Variants in NACC2 observed in about 807,000 individuals in gnomAD.
NACC2 encodes the protein NACC family member 2, also known as nucleus accumbens-associated protein 2.
In NACC2, 8 loss-of-function variants were observed where a neutral mutation model predicts 25.1. That is an observed-to-expected ratio of 0.32 (90% CI 0.19 to 0.57). The LOEUF (loss-of-function observed/expected upper bound fraction) is 0.57, where lower values mean the gene tolerates loss of function less well. Among genes scored for constraint, NACC2 ranks in the 20% least tolerant of loss-of-function variants. NACC2 has a pLI of 0.89. For missense variants in NACC2, 644 were observed against 650.2 expected (o/e 0.99, Z 0.10); for synonymous variants, 435 against 294.7 (o/e 1.48, Z -4.88).
chr9:136,055,810 C>T lies in NACC2; in HGVS notation c.-59-5230G>A, dbSNP rs866612739. 7.9e-5 allele frequency among the ~76,000 whole-genome samples: 12 copies of T among 152,294 alleles called. No individual in the cohort carries two copies. Among genetic ancestry groups the T allele is most frequent in the African/African-American group, 2.2e-4 (9 of 41,556 alleles). On this transcript the variant is annotated intron_variant, in intron 1 of 5. Coordinates refer to ENST00000277554, the MANE Select transcript of NACC2 (RefSeq NM_144653.5). This position sits in a 1 kb window ranked among gnomAD's most constrained non-coding sequence, Gnocchi z 4.9. ...GGGAGAGTCCCTCTACCCCGAGCCC[C>T]GGCCCCTGGTGGAGACTGCCTGGCA...
intron 1 of NACC2, among the ~76,000 whole-genome samples, chr9:136,077,135 C>T (rs964019493): frequency 8.6e-5 from 13 of 151,742 alleles, no homozygotes; most frequent in Admixed American, 2.0e-4. Flanking sequence ...GCCGAGATTG[C>T]GCCACTACAC....
Position 136,040,953 on chromosome 9 carries a change from T to A in NACC2, c.886+8683A>T, listed in dbSNP as rs1264491731. ...TCCAGCCCAGGCGACAGAGTGAGAG[T>A]GAGACCCTGGAAAGAAAGAAAGAAA... is the stretch of plus-strand genomic sequence containing the variant. On this transcript the variant is annotated intron_variant, in intron 2 of 5. Transcript: ENST00000277554. Among the ~76,000 whole-genome samples the A allele has an allele frequency of 1.3e-4, 16 of 124,338 alleles. 1 individual carries two copies. In the Admixed American group the frequency reaches 1.4e-3, roughly 11 times the overall value. 81.6% of individuals were successfully genotyped at this position (124,338 alleles called of 152,430 possible).
At position 136,085,312 on chromosome 9, in the gene NACC2, AC is replaced by A. The variant is rs1830367738; in HGVS notation, c.-60+9876del. On this transcript the variant is annotated intron_variant, in intron 1 of 5. Coordinates refer to ENST00000277554, the MANE Select transcript of NACC2 (RefSeq NM_144653.5). ...TTACAGGTGTGAACCACTGTGCCCG[AC>A]CCAAAAAAATTTTTTTAATTAGCCA... is the stretch of plus-strand genomic sequence containing the variant. 2.0e-5 allele frequency among the ~76,000 whole-genome samples: 3 copies of A among 151,118 alleles called. No individual in the cohort carries two copies. The South Asian group carries it at 6.3e-4, about 32-fold the overall frequency.
chr9:136,058,639 C>A (rs1327133949), intron 1 of NACC2, among the ~76,000 whole-genome samples: 9 of 152,190 alleles, frequency 5.9e-5, no homozygotes, highest in African/African-American at 2.2e-4. Context: ...ACCATGCTCA[C>A]CACCTGAGTG....
intron 1 of NACC2, among the ~76,000 whole-genome samples, chr9:136,051,014 C>T (rs1439767801): frequency 2.0e-5 from 3 of 152,218 alleles, no homozygotes; most frequent in Non-Finnish European, 2.9e-5. Context: ...CGGGAGGGGC[C>T]GCGCTGGAGC....
At chr9:136,021,374 C>T (rs763801109) in intron 2 of NACC2, among the ~76,000 whole-genome samples, 1 of 152,122 alleles carries the variant, frequency 6.6e-6, no homozygotes, top group African/African-American at 2.4e-5. Context: ...CGCCAAGTGC[C>T]GGCGAGGATG....
intron 3 of NACC2, among the ~76,000 whole-genome samples, chr9:136,015,187 G>C (rs116085000): frequency 0.01 from 1,535 of 152,326 alleles, 34 homozygotes; most frequent in African/African-American, 0.035. Context: ...AGAGGCCACA[G>C]CTGCTGGAGG....
chr9:136,033,232 C>CA (rs539869584), intron 2 of NACC2, among the ~76,000 whole-genome samples: 5 of 151,968 alleles, frequency 3.3e-5, no homozygotes, highest in Non-Finnish European at 7.4e-5. Context: ...GGTAGACTCT[C>CA]AGAGTAAATC....
In NACC2 at chr9:136,024,346, A is replaced by G. The variant is rs1840349916; in HGVS notation, c.887-7917T>C. ...GGACAGAGTGTGTGTGTGTGAGGAC[A>G]GAGTGTGTGTGTGTGAGGACAGAAG... On this transcript the variant is annotated intron_variant, in intron 2 of 5. Coordinates refer to ENST00000277554, the MANE Select transcript of NACC2 (RefSeq NM_144653.5). 1.5e-5 allele frequency among the ~76,000 whole-genome samples: 2 copies of G among 129,338 alleles called. 1 individual carries two copies. The highest frequency in any genetic ancestry group is 6.0e-5 in the African/African-American group (2 of 33,320). The allele number at this position is 129,338 out of a possible 152,430, so 84.9% of individuals were successfully genotyped here.
chr9:136,040,735 A>G (rs1840615249), intron 2 of NACC2, among the ~76,000 whole-genome samples: 1 of 152,204 alleles, frequency 6.6e-6, no homozygotes, highest in Non-Finnish European at 1.5e-5. Flanking sequence ...CAAGGCAGGT[A>G]GATGGCTTGA....
chr9:136,066,485 CAAA>C (rs1841082260), intron 1 of NACC2, among the ~76,000 whole-genome samples: 1 of 152,058 alleles, frequency 6.6e-6, no homozygotes, highest in Non-Finnish European at 1.5e-5. Context: ...TGGCTATAAT[CAAA>C]AAGACAGAAA....
chr9:136,067,633 C>T (rs374008297), intron 1 of NACC2, among the ~76,000 whole-genome samples: 8 of 152,122 alleles, frequency 5.3e-5, no homozygotes, highest in Admixed American at 3.3e-4. Context: ...GTCAAGAGAT[C>T]GAGACCATCT....
chr9:136,042,533 A>G (rs1588568023), intron 2 of NACC2, among the ~76,000 whole-genome samples: 1 of 152,284 alleles, frequency 6.6e-6, no homozygotes, highest in Middle Eastern at 3.4e-3. Context: ...AAGGAAATGA[A>G]CCTTCCCACT....
chr9:136,094,547 C>T (rs1830467377), intron 1 of NACC2, among the ~76,000 whole-genome samples: 1 of 152,170 alleles, frequency 6.6e-6, no homozygotes, highest in South Asian at 2.1e-4. Flanking sequence ...CTCAGCTCCG[C>T]AGAGGCACAG....
chr9:136,093,248 G>C (rs1444965774), intron 1 of NACC2, among the ~76,000 whole-genome samples: 1 of 152,224 alleles, frequency 6.6e-6, no homozygotes, highest in Non-Finnish European at 1.5e-5. Context: ...TGGAAGAACC[G>C]CTCAGCACCA....
Position 136,050,485 on chromosome 9 carries a change from C to T in NACC2, c.37G>A (p.Gly13Arg). 1 of 764,936 alleles carries T rather than the reference C, an allele frequency of 1.3e-6. No individual in the cohort carries two copies. The allele number at this position is 764,936 out of a possible 1,614,324, so 47.4% of individuals were successfully genotyped here. Residue 13 changes from glycine to arginine, a missense_variant, in exon 2 of 6, where the codon GGG becomes AGG. By Grantham distance (125) the Gly-to-Arg change is moderately radical. Coordinates refer to ENST00000277554, the MANE Select transcript of NACC2 (RefSeq NM_144653.5). ...TTCAGGCAGCCCAGCACTGTGTTCC[C>T]GAAGTTGGGGATCTCGATGTGCAGC... ...QMLHIEIPNF[G>R]NTVLGCLNEQ...
At chr9:136,029,540 C>T (rs575787095) in intron 2 of NACC2, among the ~76,000 whole-genome samples, 12 of 152,356 alleles carry the variant, frequency 7.9e-5, no homozygotes, top group Non-Finnish European at 1.2e-4. Flanking sequence ...TTGCCCACCA[C>T]GTTGTGGGCA....
In NACC2 at chr9:136,007,242, TTC is replaced by T. The variant is rs961013341; in HGVS notation, c.*4272_*4273del. On this transcript the variant is annotated 3_prime_UTR_variant, in exon 6 of 6. Coordinates refer to ENST00000277554, the MANE Select transcript of NACC2 (RefSeq NM_144653.5). ...GATTCTGCATGATTTTCCTTTCCTT[TTC>T]TTTTTCCAAAGAAACAAAACAAACA... The T allele has an allele frequency of 2.6e-5, 4 of 154,402 alleles. No individual in the cohort carries two copies. The highest frequency in any genetic ancestry group is 5.9e-5 in the Non-Finnish European group (4 of 68,212). 9.6% of individuals were successfully genotyped at this position (154,402 alleles called of 1,614,324 possible).
At chr9:136,050,892 G>T (rs1333017355) in intron 1 of NACC2, among the ~76,000 whole-genome samples, 3 of 152,114 alleles carry the variant, frequency 2.0e-5, no homozygotes, top group Non-Finnish European at 4.4e-5. Context: ...GAGGAGGAGC[G>T]CAGGCCTGAA....
Sources: gnomAD v4.1 joint callset for allele counts (sites outside exome capture counted in the v4.1 genomes callset) on GRCh38, gnomAD v4.1.1 for gene constraint, Gnocchi (gnomAD v3.1) non-coding constraint, MANE v1.5 for transcripts, NCBI Gene and HGNC (gene_info 2026-07-23, HGNC 2026-07-21) for gene names.